The following TASP1 variants were observed in gnomAD, a reference collection of about 807,000 sequenced individuals.
TASP1 encodes the protein taspase 1.
A neutral mutation model predicts 56.6 loss-of-function variants in TASP1; 16 were observed. The ratio of observed to expected loss-of-function variants is 0.28; its 90% CI spans 0.19 to 0.43. The LOEUF is 0.43. Ranked by LOEUF, TASP1 falls within the 20% of genes least tolerant of loss-of-function variation. The pLI, the probability that TASP1 is intolerant of heterozygous loss-of-function variation, is 1.00. For missense variants in TASP1, 393 were observed against 511.6 expected (o/e 0.77, Z 2.24); for synonymous variants, 179 against 184.2 (o/e 0.97, Z 0.23).
At chr20:13,444,184 G>C (rs970818013) in intron 11 of TASP1, among the ~76,000 whole-genome samples, 2 of 152,146 alleles carry the variant, frequency 1.3e-5, no homozygotes, top group African/African-American at 4.8e-5. Flanking sequence ...CCTGACACTA[G>C]ACAAGCCAAA....
intron 8 of TASP1, among the ~76,000 whole-genome samples, chr20:13,550,820 C>G (rs4813134): frequency 0.59 from 90,235 of 151,838 alleles, 27,665 homozygotes; most frequent in Non-Finnish European, 0.67. Flanking sequence ...TTTCCAGTGT[C>G]AGGGTCTCCT....
chr20:13,630,120 C>G lies in TASP1; in HGVS notation c.-42G>C. The G allele has an allele frequency of 6.3e-7, 1 of 1,585,590 alleles. No individual in the cohort carries two copies. Among genetic ancestry groups the G allele is most frequent in the Non-Finnish European group, 8.6e-7 (1 of 1,169,362 alleles). On this transcript the variant is annotated 5_prime_UTR_variant, in exon 2 of 14. Transcript: ENST00000337743. ...CTTCTACTGAGAAAGGGGCATACTTCCATCCAAAAGTAATTGCAGGAGAGG... is the reference window on the plus strand; with the variant it reads ...CTTCTACTGAGAAAGGGGCATACTTGCATCCAAAAGTAATTGCAGGAGAGG...
chr20:13,221,660 G>A, the TASP1 span: 5 of 887,482 alleles, frequency 5.6e-6, no homozygotes, highest in Non-Finnish European at 7.3e-6. Flanking sequence ...AGCCCTGGCG[G>A]GAGCCGAGGC....
chr20:13,571,133 T>C (rs111567339), intron 6 of TASP1, among the ~76,000 whole-genome samples: 11 of 152,342 alleles, frequency 7.2e-5, no homozygotes, highest in African/African-American at 1.7e-4. Context: ...CAATTTGCTA[T>C]TGTCAACTAT....
chr20:13,243,872 GCA>G, the TASP1 span, among the ~76,000 whole-genome samples: 1 of 152,164 alleles, frequency 6.6e-6, no homozygotes, highest in African/African-American at 2.4e-5. Flanking sequence ...AGAATAGCAG[GCA>G]CAGTTTTCCT....
chr20:13,519,541 T>C (rs926959995), intron 10 of TASP1, among the ~76,000 whole-genome samples: 2 of 152,188 alleles, frequency 1.3e-5, no homozygotes, highest in Non-Finnish European at 2.9e-5. Context: ...TCCCAACAGA[T>C]GCAGAAAAGG....
chr20:13,550,421 C>T (rs538590127), intron 8 of TASP1, among the ~76,000 whole-genome samples: 41 of 151,974 alleles, frequency 2.7e-4, no homozygotes, highest in African/African-American at 9.6e-4. Flanking sequence ...GTAGGCTCAT[C>T]CAGTAATCAA....
Position 13,626,201 on chromosome 20 carries a change from G to A in TASP1, c.146-949C>T, listed in dbSNP as rs189952962. On this transcript the variant is annotated intron_variant, in intron 2 of 13. Transcript: ENST00000337743. ...GCACTTTGGGAGGCTGAGGCGGGAGGATCACTTGAGGCCAGGTGTTTGAGA... is the reference window on the plus strand; with the variant it reads ...GCACTTTGGGAGGCTGAGGCGGGAGAATCACTTGAGGCCAGGTGTTTGAGA... 1.1e-4 allele frequency among the ~76,000 whole-genome samples: 17 copies of A among 152,234 alleles called. No homozygotes were observed. In the East Asian group the frequency reaches 2.1e-3, roughly 19 times the overall value.
intron 8 of TASP1, among the ~76,000 whole-genome samples, chr20:13,548,281 G>A (rs2045873972): frequency 6.6e-6 from 1 of 152,080 alleles, no homozygotes; most frequent in South Asian, 2.1e-4. Context: ...GACTGAAAGG[G>A]CAGGGCAGTT....
chr20:13,595,226 G>A (rs1018186388), intron 4 of TASP1, among the ~76,000 whole-genome samples: 1 of 152,132 alleles, frequency 6.6e-6, no homozygotes, highest in African/African-American at 2.4e-5. Context: ...CCTGAAGGAA[G>A]CACTAAACAT....
At chr20:13,588,179 G>A (rs1172063391) in intron 4 of TASP1, among the ~76,000 whole-genome samples, 2 of 150,958 alleles carry the variant, frequency 1.3e-5, no homozygotes, top group Non-Finnish European at 2.9e-5. Flanking sequence ...TCCACTCTCA[G>A]TACCTATTCA....
chr20:13,517,384 T>C (rs2044580694), intron 10 of TASP1, among the ~76,000 whole-genome samples: 1 of 152,116 alleles, frequency 6.6e-6, no homozygotes, highest in African/African-American at 2.4e-5. Flanking sequence ...TGGAAAGATA[T>C]CCTTCATATC....
the TASP1 span, among the ~76,000 whole-genome samples, chr20:13,373,375 A>G: frequency 2.0e-5 from 3 of 151,084 alleles, no homozygotes; most frequent in Non-Finnish European, 4.4e-5. Context: ...CTCAATTTCC[A>G]TCTGGGTTTA....
the TASP1 span, among the ~76,000 whole-genome samples, chr20:13,328,248 C>T: frequency 6.6e-6 from 1 of 152,068 alleles, no homozygotes; most frequent in Non-Finnish European, 1.5e-5. Context: ...AAATTAAAAC[C>T]ACAATGAGAT....
the TASP1 span, among the ~76,000 whole-genome samples, chr20:13,133,598 G>A: frequency 4.5e-4 from 69 of 152,270 alleles, 1 homozygote; most frequent in African/African-American, 1.5e-3. Flanking sequence ...GCTGGGCATG[G>A]TGGCACAAAC....
intron 13 of TASP1, among the ~76,000 whole-genome samples, chr20:13,394,333 T>TG (rs1206109546): frequency 1.6e-4 from 17 of 109,046 alleles, no homozygotes; most frequent in Non-Finnish European, 2.3e-4. Context: ...AAAAAAGGCC[T>TG]GGTGCGGTAG....
the TASP1 span, among the ~76,000 whole-genome samples, chr20:13,222,762 T>C: frequency 4.6e-5 from 7 of 152,340 alleles, no homozygotes; most frequent in Non-Finnish European, 1.0e-4. Flanking sequence ...CCTGCCGCTA[T>C]GTTAGCGCCT....
the TASP1 span, among the ~76,000 whole-genome samples, chr20:13,318,214 G>T: frequency 6.6e-6 from 1 of 151,724 alleles, no homozygotes; most frequent in Non-Finnish European, 1.5e-5. Context: ...TATACAGATG[G>T]CAAATAAGCA....
intron 10 of TASP1, among the ~76,000 whole-genome samples, chr20:13,497,246 G>C (rs1268216914): frequency 6.6e-6 from 1 of 152,174 alleles, no homozygotes; most frequent in Non-Finnish European, 1.5e-5. Flanking sequence ...AAGGAGAAGA[G>C]CCAACCTGGA....
Sources: gnomAD v4.1 joint callset for allele counts (sites outside exome capture counted in the v4.1 genomes callset) on GRCh38, gnomAD v4.1.1 for gene constraint, MANE v1.5 for transcripts, NCBI Gene and HGNC (gene_info 2026-07-23, HGNC 2026-07-21) for gene names.